The following ZDHHC21 variants were observed in gnomAD, a reference collection of about 807,000 sequenced individuals.
ZDHHC21 encodes the protein palmitoyltransferase ZDHHC21.
A neutral mutation model predicts 34.6 loss-of-function variants in ZDHHC21; 15 were observed. That is an observed-to-expected ratio of 0.43 (90% CI 0.29 to 0.67). The LOEUF is 0.67. ZDHHC21 is among the 30% of genes least tolerant of loss of function. The pLI is 0.14. For missense variants in ZDHHC21, 344 were observed against 327.7 expected (o/e 1.05, Z -0.38); for synonymous variants, 142 against 101.8 (o/e 1.40, Z -2.38).
intron 2 of ZDHHC21, among the ~76,000 whole-genome samples, chr9:14,686,157 A>T (rs1838290034): frequency 6.6e-6 from 1 of 152,146 alleles, no homozygotes; most frequent in African/African-American, 2.4e-5. Context: ...CACCTATGTA[A>T]CAAACCTGCA....
chr9:14,666,556 GCACCA>G (rs1262058846), intron 5 of ZDHHC21, among the ~76,000 whole-genome samples: 2 of 101,498 alleles, frequency 2.0e-5, no homozygotes, highest in African/African-American at 6.5e-5. Flanking sequence ...ATTTTTTTCA[GCACCA>G]CACCACACCT....
the ZDHHC21 span, among the ~76,000 whole-genome samples, chr9:14,597,370 C>A: frequency 1.3e-5 from 2 of 152,114 alleles, no homozygotes; most frequent in East Asian, 3.9e-4. Flanking sequence ...CTAGCCCAAG[C>A]AGTATCCTAC....
intron 7 of ZDHHC21, among the ~76,000 whole-genome samples, chr9:14,653,349 A>G (rs987694020): frequency 5.3e-5 from 8 of 152,076 alleles, no homozygotes; most frequent in African/African-American, 1.4e-4. Context: ...TTAAATGTCA[A>G]TGGTAATAAT....
downstream of ZDHHC21, among the ~76,000 whole-genome samples, chr9:14,606,603 C>G (rs1823021686): frequency 1.3e-5 from 2 of 152,170 alleles, no homozygotes; most frequent in South Asian, 4.2e-4. Flanking sequence ...ATGCCTGACC[C>G]ACAGAAACTG....
At chr9:14,645,131 A>G (rs1337643348) in intron 7 of ZDHHC21, among the ~76,000 whole-genome samples, 4 of 152,110 alleles carry the variant, frequency 2.6e-5, no homozygotes, top group Non-Finnish European at 5.9e-5. Flanking sequence ...GGGTGGTGAG[A>G]GGAGAAAATT....
At chr9:14,598,932 TTTG>T in the ZDHHC21 span, among the ~76,000 whole-genome samples, 103 of 152,106 alleles carry the variant, frequency 6.8e-4, no homozygotes, top group Middle Eastern at 0.017. Context: ...TAAATTTTTT[TTTG>T]TTATTTTTGT....
At chr9:14,597,274 C>G in the ZDHHC21 span, among the ~76,000 whole-genome samples, 1 of 152,140 alleles carries the variant, frequency 6.6e-6, no homozygotes, top group East Asian at 1.9e-4. Context: ...CCCTGGAGCC[C>G]TGCTGCCATT....
intron 2 of ZDHHC21, 46 bp from the exon 3 acceptor site, chr9:14,680,208 G>A (rs1326102741): frequency 2.6e-5 from 4 of 152,078 alleles, no homozygotes; most frequent in Admixed American, 1.3e-4. Flanking sequence ...AGAAAAAAAC[G>A]ATAAGCAACT....
the ZDHHC21 span, among the ~76,000 whole-genome samples, chr9:14,603,653 T>C: frequency 1.3e-5 from 2 of 152,190 alleles, no homozygotes; most frequent in Admixed American, 1.3e-4. Context: ...AATCTTGATT[T>C]GCTAGATAAA....
chr9:14,590,455 AT>A, the ZDHHC21 span, among the ~76,000 whole-genome samples: 1 of 152,220 alleles, frequency 6.6e-6, no homozygotes, highest in African/African-American at 2.4e-5. Context: ...ACCAAGACAC[AT>A]CATACTTAAA....
chr9:14,666,281 T>C (rs914792557), intron 5 of ZDHHC21, among the ~76,000 whole-genome samples: 5 of 129,080 alleles, frequency 3.9e-5, no homozygotes, highest in Non-Finnish European at 8.5e-5. Context: ...AAGGGATCAA[T>C]TCAACAAGAA....
At chr9:14,684,134 A>G (rs1255979646) in intron 2 of ZDHHC21, among the ~76,000 whole-genome samples, 1 of 151,620 alleles carries the variant, frequency 6.6e-6, no homozygotes, top group Non-Finnish European at 1.5e-5. Context: ...CCCTTTGAAA[A>G]CTGGCACAAG....
At chr9:14,640,307 G>GA (rs371542807) in intron 7 of ZDHHC21, among the ~76,000 whole-genome samples, 53,287 of 125,318 alleles carry the variant, frequency 0.43, 10,844 homozygotes, top group Middle Eastern at 0.49. Context: ...CCTATTTTGG[G>GA]GAAAAAAAAA....
chr9:14,590,244 A>G, the ZDHHC21 span, among the ~76,000 whole-genome samples: 1 of 152,264 alleles, frequency 6.6e-6, no homozygotes, highest in Middle Eastern at 3.4e-3. Context: ...TATTCAAACA[A>G]AAGGACAGGC....
intron 2 of ZDHHC21, among the ~76,000 whole-genome samples, chr9:14,687,424 A>G (rs538032506): frequency 6.6e-6 from 1 of 150,914 alleles, no homozygotes; most frequent in East Asian, 1.9e-4. Flanking sequence ...TAATCCCAGC[A>G]CTTTAGGAGG....
chr9:14,689,098 CT>C (rs35653887), intron 2 of ZDHHC21, among the ~76,000 whole-genome samples: 1 of 152,304 alleles, frequency 6.6e-6, no homozygotes, highest in East Asian at 1.9e-4. Context: ...CCGTTATCTA[CT>C]TTTTTAAAGT....
the ZDHHC21 span, among the ~76,000 whole-genome samples, chr9:14,598,357 T>C: frequency 0.082 from 12,444 of 152,108 alleles, 1,323 homozygotes; most frequent in African/African-American, 0.25. Flanking sequence ...ATTACACCCA[T>C]AGAAATAATA....
chr9:14,687,028 T>C (rs111434029), intron 2 of ZDHHC21, among the ~76,000 whole-genome samples: 1,950 of 149,260 alleles, frequency 0.013, 191 homozygotes, highest in African/African-American at 0.046. Flanking sequence ...GGCAAATAAA[T>C]GAATTATTTC....
At chr9:14,653,964 G>A (rs1305484066) in intron 7 of ZDHHC21, among the ~76,000 whole-genome samples, 2 of 151,956 alleles carry the variant, frequency 1.3e-5, no homozygotes, top group Non-Finnish European at 2.9e-5. Flanking sequence ...GAACTTAAGA[G>A]GCCAAAATCT....
Sources: allele counts gnomAD v4.1 joint callset (sites outside exome capture counted in the v4.1 genomes callset), GRCh38; gene constraint gnomAD v4.1.1; transcripts MANE v1.5; gene names NCBI Gene and HGNC (gene_info 2026-07-23, HGNC 2026-07-21).